Variants in SCUBE3 observed in about 807,000 individuals in gnomAD.
SCUBE3 encodes signal peptide, CUB and EGF-like domain-containing protein 3.
Under a neutral mutation model 116.8 loss-of-function variants are expected in SCUBE3, and 33 were observed. That is an observed-to-expected ratio of 0.28 (90% CI 0.21 to 0.38). SCUBE3 has a LOEUF of 0.38. Ranked by LOEUF, SCUBE3 falls within the 10% of genes least tolerant of loss-of-function variation. The probability of loss-of-function intolerance (pLI) is 1.00; values close to 1 mark genes in which losing one functional copy is unlikely to be tolerated. For synonymous variants in SCUBE3, 418 were observed against 496.9 expected, an observed-to-expected ratio of 0.84 and a Z score of 2.11; for missense variants, 1,007 against 1,324.8, an observed-to-expected ratio of 0.76 and a Z score of 3.72.
chr6:35,242,877 T>C, intron 14 of SCUBE3, 97 bp downstream of exon 14: 1 of 1,526,230 alleles, frequency 6.6e-7, no homozygotes, highest in Non-Finnish European at 9.0e-7. Flanking sequence ...ATGGAGCCTG[T>C]ACTAGGGGCA....
In SCUBE3 at chr6:35,240,577, G is replaced by A; in HGVS notation, c.1069+87G>A. 4.7e-6 allele frequency: 3 copies of A among 643,928 alleles called. No individual in the cohort carries two copies. Among genetic ancestry groups the A allele is most frequent in the Non-Finnish European group, 8.2e-6 (3 of 367,560 alleles). 39.9% of individuals were successfully genotyped at this position (643,928 alleles called of 1,614,324 possible). A position where few individuals can be genotyped will look rare whatever the true frequency, so the allele number is the denominator to read the frequency against. On this transcript the variant is annotated intron_variant, in intron 9 of 21. Coordinates refer to ENST00000274938, the MANE Select transcript of SCUBE3 (RefSeq NM_152753.4). This position sits in a 1 kb window ranked among gnomAD's most constrained non-coding sequence, Gnocchi z 4.6. ...GAACAGGTCCTTGTGTTGGCTTGTG[G>A]CTATGGGCAATCCCTGGATGCATGC...
Position 35,214,572 on chromosome 6 carries a change from C to A in SCUBE3, c.85+69C>A, listed in dbSNP as rs751020809. The stretch of plus-strand genomic sequence containing the variant: ...TGGGCCTCAGGGCCTAGGAGCGATT[C>A]CCGAGGGGCAGGGCAGGTGCTGGGG... On this transcript the variant is annotated intron_variant, in intron 1 of 21. Coordinates refer to ENST00000274938, the MANE Select transcript of SCUBE3 (RefSeq NM_152753.4). This position sits in a 1 kb window ranked among gnomAD's most constrained non-coding sequence, Gnocchi z 6.3. 35 of 1,022,624 alleles carry A rather than the reference C, an allele frequency of 3.4e-5. No individual in the cohort carries two copies. Among genetic ancestry groups the A allele is most frequent in the Non-Finnish European group, 4.1e-5 (31 of 749,956 alleles). The allele number at this position is 1,022,624 out of a possible 1,614,324, so 63.3% of individuals were successfully genotyped here.
chr6:35,228,537 A>G lies in SCUBE3; in HGVS notation c.209-77A>G. The G allele has an allele frequency of 6.6e-7, 1 of 1,524,196 alleles. No homozygotes were observed. Among genetic ancestry groups the G allele is most frequent in the Non-Finnish European group, 9.0e-7 (1 of 1,109,686 alleles). The allele number at this position is 1,524,196 out of a possible 1,614,324, so 94.4% of individuals were successfully genotyped here. On this transcript the variant is annotated intron_variant, in intron 2 of 21. Coordinates refer to ENST00000274938, the MANE Select transcript of SCUBE3 (RefSeq NM_152753.4). The surrounding 1 kb of genome is among the most constrained non-coding windows in gnomAD (Gnocchi z 4.9). ...GCCATGAACATAACTATGTAAACAC[A>G]ACCATAAGGCTGAGTCTGGGGGTGG...
chr6:35,218,905 C>T (rs558469504), intron 1 of SCUBE3, among the ~76,000 whole-genome samples: 12 of 152,152 alleles, frequency 7.9e-5, no homozygotes, highest in African/African-American at 1.4e-4. Flanking sequence ...ATTTGAGCCT[C>T]GGAGGAAATC....
At chr6:35,238,106 C>G in intron 7 of SCUBE3, 88 bp downstream of exon 7, 2 of 681,056 alleles carry the variant, frequency 2.9e-6, no homozygotes, top group Non-Finnish European at 5.3e-6. Flanking sequence ...TAGGGGATGA[C>G]ACCTCCTCAA....
rs1784074659 is a variant in SCUBE3 at position 35,241,855 on chromosome 6, T to C, written c.1362T>C (p.Ala454=). ...TVSCGTPSPR[A]APARAGHNGN... ...GCTGTGGGACCCCCAGCCCCAGGGC[T>C]GCTCCAGCCCGAGCTGGCCACAATG... Residue 454 remains alanine (A), a synonymous_variant, in exon 12 of 22, where the codon GCT becomes GCC. Transcript: ENST00000274938. This position sits in a 1 kb window ranked among gnomAD's most constrained non-coding sequence, Gnocchi z 4.1. 1 of 1,612,864 alleles carries C rather than the reference T, an allele frequency of 6.2e-7. No homozygotes were observed.
intron 1 of SCUBE3, chr6:35,224,529 G>C (rs1783245189): frequency 6.6e-6 from 1 of 150,490 alleles, no homozygotes; most frequent in South Asian, 2.1e-4. Flanking sequence ...TCAGGAGGCT[G>C]AGGCAGAAGA....
At position 35,243,826 on chromosome 6, in the gene SCUBE3, C is replaced by A. The variant is rs1332787858; in HGVS notation, c.2071+71C>A. 1.9e-6 allele frequency: 3 copies of A among 1,562,324 alleles called. No individual in the cohort carries two copies. The highest frequency in any genetic ancestry group is 1.7e-5 in the Admixed American group (1 of 58,598). On this transcript the variant is annotated intron_variant, in intron 16 of 21. Transcript: ENST00000274938. The surrounding 1 kb of genome is among the most constrained non-coding windows in gnomAD (Gnocchi z 6.6). ...GGATGCCCATGGGCATGGGATTTCCCAAAGGGCAGGCCCAGGCTCCAGGCC... is the reference window on the plus strand; with the variant it reads ...GGATGCCCATGGGCATGGGATTTCCAAAAGGGCAGGCCCAGGCTCCAGGCC...
chr6:35,224,147 T>C (rs1783229709), intron 1 of SCUBE3: 3 of 152,158 alleles, frequency 2.0e-5, no homozygotes, highest in South Asian at 4.1e-4. Flanking sequence ...GCATCTGCAA[T>C]GTGAATAACG....
Position 35,245,956 on chromosome 6 carries a change from C to T in SCUBE3, c.2612C>T (p.Ser871Phe). The T allele has an allele frequency of 6.2e-7, 1 of 1,614,140 alleles. No homozygotes were observed. The highest frequency in any genetic ancestry group is 8.5e-7 in the Non-Finnish European group (1 of 1,179,984). ...CTTGCCTTCCCAGCATCCCCATCCT[C>T]CATTACCACTTATGAGACCTGCCAG... The part of the protein sequence containing the change: ...LVMRKNSSPS[S>F]ITTYETCQTY... Residue 871 changes from serine to phenylalanine, a missense_variant, in exon 20 of 22, where the codon TCC becomes TTC. Coordinates refer to ENST00000274938, the MANE Select transcript of SCUBE3 (RefSeq NM_152753.4). The surrounding 1 kb of genome is among the most constrained non-coding windows in gnomAD (Gnocchi z 4.2).
rs749949459 is a variant in SCUBE3, at chr6:35,243,545, T to G, written c.1910-49T>G. ...TGGGAAGGGGAGTCCCAGGCCTGGG[T>G]GGTGGGAAATGCGGGGGTGGGTGGC... On this transcript the variant is annotated intron_variant, in intron 15 of 21. Coordinates refer to ENST00000274938, the MANE Select transcript of SCUBE3 (RefSeq NM_152753.4). This position sits in a 1 kb window ranked among gnomAD's most constrained non-coding sequence, Gnocchi z 6.6. The G allele has an allele frequency of 1.9e-5, 27 of 1,454,442 alleles. No homozygotes were observed. Among genetic ancestry groups the G allele is most frequent in the Middle Eastern group, 2.4e-4 (1 of 4,248 alleles). The allele number at this position is 1,454,442 out of a possible 1,614,324, so 90.1% of individuals were successfully genotyped here.
Position 35,250,440 on chromosome 6 carries a change from A to G in SCUBE3, c.*1735A>G, listed in dbSNP as rs1784511682. On this transcript the variant is annotated 3_prime_UTR_variant, in exon 22 of 22. Coordinates refer to ENST00000274938, the MANE Select transcript of SCUBE3 (RefSeq NM_152753.4). ...AGAGACAAAGCTGTGGGAGCCAAGAATAAGACAGAAGGCATCAGATATTTG... is the reference window on the plus strand; with the variant it reads ...AGAGACAAAGCTGTGGGAGCCAAGAGTAAGACAGAAGGCATCAGATATTTG... 1 of 152,238 alleles carries G rather than the reference A, an allele frequency of 6.6e-6. No homozygotes were observed. Among genetic ancestry groups the G allele is most frequent in the Admixed American group, 6.5e-5 (1 of 15,282 alleles). The allele number at this position is 152,238 out of a possible 1,614,324, so 9.4% of individuals were successfully genotyped here. A position where few individuals can be genotyped will look rare whatever the true frequency, so the allele number is the denominator to read the frequency against.
At position 35,251,733 on chromosome 6, in the gene SCUBE3, G is replaced by A. The variant is rs1784564028; in HGVS notation, c.*3028G>A. The A allele has an allele frequency of 6.6e-6, 1 of 152,158 alleles. No individual in the cohort carries two copies. The highest frequency in any genetic ancestry group is 2.1e-4 in the South Asian group (1 of 4,820). The allele number at this position is 152,158 out of a possible 1,614,324, so 9.4% of individuals were successfully genotyped here. A position where few individuals can be genotyped will look rare whatever the true frequency, so the allele number is the denominator to read the frequency against. ...GGTGAGCAGGTAAAAACCTGCTATT[G>A]TCCACCAAGTTTAATTTAGGTCCTC... On this transcript the variant is annotated 3_prime_UTR_variant, in exon 22 of 22. Coordinates refer to ENST00000274938, the MANE Select transcript of SCUBE3 (RefSeq NM_152753.4).
In SCUBE3 at chr6:35,235,808, AC is replaced by A. The variant is rs1435200956; in HGVS notation, c.713-2088del. Among the ~76,000 whole-genome samples the A allele has an allele frequency of 1.0e-5, 1 of 98,360 alleles. No individual in the cohort carries two copies. Among genetic ancestry groups the A allele is most frequent in the African/African-American group, 4.0e-5 (1 of 24,776 alleles). The allele number at this position is 98,360 out of a possible 152,430, so 64.5% of individuals were successfully genotyped here. A position where few individuals can be genotyped will look rare whatever the true frequency, so the allele number is the denominator to read the frequency against. ...CCCCACTCCCAGCCATCTGCTCCCC[AC>A]CCCCCTCTACCCAGCCAGCCTCATC... is the stretch of plus-strand genomic sequence containing the variant. On this transcript the variant is annotated intron_variant, in intron 6 of 21. Coordinates refer to ENST00000274938, the MANE Select transcript of SCUBE3 (RefSeq NM_152753.4). This position sits in a 1 kb window ranked among gnomAD's most constrained non-coding sequence, Gnocchi z 4.5.
chr6:35,246,327 G>T (rs372675299), intron 21 of SCUBE3, 42 bp downstream of exon 21: 2 of 1,405,540 alleles, frequency 1.4e-6, no homozygotes, highest in Non-Finnish European at 2.0e-6. Context: ...CATTTAATAA[G>T]CATGTAACAA....
chr6:35,214,488 A>G lies in SCUBE3; in HGVS notation c.70A>G (p.Ser24Gly), dbSNP rs758556538. The change falls in exon 1 of 22, where the codon AGC becomes GGC. Residue 24 changes from serine (S) to glycine (G), a missense_variant. Transcript: ENST00000274938. The surrounding 1 kb of genome is among the most constrained non-coding windows in gnomAD (Gnocchi z 6.3). ...GGTCCACGCCCGCGCCGCCCAGTAC[A>G]GCAAAGCCGCGCAAGGTAAGGAAGG... Reference protein sequence around the residue: ...LLVHARAAQYSKAAQDVDECV... With the variant: ...LLVHARAAQYGKAAQDVDECV... The G allele has an allele frequency of 6.7e-7, 1 of 1,501,198 alleles. No homozygotes were observed. Among genetic ancestry groups the G allele is most frequent in the Non-Finnish European group, 8.9e-7 (1 of 1,128,456 alleles). The allele number at this position is 1,501,198 out of a possible 1,614,324, so 93.0% of individuals were successfully genotyped here.
Position 35,245,122 on chromosome 6 carries a change from C to T in SCUBE3, c.2402-106C>T. On this transcript the variant is annotated intron_variant, in intron 18 of 21. Transcript: ENST00000274938. The surrounding 1 kb of genome is among the most constrained non-coding windows in gnomAD (Gnocchi z 4.2). ...TAATGATGAACTAGAACGCAGACTT[C>T]CCATAAATGTCTGACCTCTACTTCA... 1 of 1,011,812 alleles carries T rather than the reference C, an allele frequency of 9.9e-7. No individual in the cohort carries two copies. The highest frequency in any genetic ancestry group is 1.5e-6 in the Non-Finnish European group (1 of 654,632). The allele number at this position is 1,011,812 out of a possible 1,614,324, so 62.7% of individuals were successfully genotyped here.
At chr6:35,226,479 C>CTTTTTTTTTTTTTTTTT (rs1562044702) in intron 1 of SCUBE3, among the ~76,000 whole-genome samples, 13 of 52,188 alleles carry the variant, frequency 2.5e-4, no homozygotes, top group Admixed American at 5.4e-4. Context: ...TTTTCTATGT[C>CTTTTTTTTTTTTTTTTT]CTTTTTTTTT....
At position 35,243,619 on chromosome 6, in the gene SCUBE3, C is replaced by T; in HGVS notation, c.1935C>T (p.Tyr645=). 1.2e-6 allele frequency: 2 copies of T among 1,613,712 alleles called. No individual in the cohort carries two copies. The highest frequency in any genetic ancestry group is 1.7e-6 in the Non-Finnish European group (2 of 1,179,752). Residue 645 remains tyrosine, a synonymous_variant, in exon 16 of 22, where the codon TAC becomes TAT. Transcript: ENST00000274938. The surrounding 1 kb of genome is among the most constrained non-coding windows in gnomAD (Gnocchi z 6.6). Reference sequence around the variant, plus strand: ...TCAGCTGCCCGCAGGGAACGTATTACCACGGCCAGACGGAGCAGTGTGTGC... The same window carrying T: ...TCAGCTGCCCGCAGGGAACGTATTATCACGGCCAGACGGAGCAGTGTGTGC... ...KCVSCPQGTY[Y]HGQTEQCVPC...
Sources: allele counts gnomAD v4.1 joint callset (sites outside exome capture counted in the v4.1 genomes callset), GRCh38; gene constraint gnomAD v4.1.1; non-coding constraint Gnocchi (gnomAD v3.1); transcripts MANE v1.5; gene names NCBI Gene and HGNC (gene_info 2026-07-23, HGNC 2026-07-21).